CDH17: variants seen among roughly 807,000 people sequenced by gnomAD.
CDH17 encodes cadherin-17.
In CDH17, 67 loss-of-function variants were observed where a neutral mutation model predicts 86.3. That is an observed-to-expected ratio of 0.78 (90% CI 0.64 to 0.95). CDH17 has a LOEUF of 0.95. Among genes scored for constraint, CDH17 ranks in the 40% least tolerant of loss-of-function variants. CDH17 has a pLI of 0.00. For synonymous variants in CDH17, 367 were observed against 366.4 expected, an observed-to-expected ratio of 1.00 and a Z score of -0.02; for missense variants, 993 against 1,017.6, an observed-to-expected ratio of 0.98 and a Z score of 0.33.
chr8:94,146,306 C>T, intron 14 of CDH17, 139 bp from the exon 15 acceptor site: 1 of 673,768 alleles, frequency 1.5e-6, no homozygotes, highest in Non-Finnish European at 2.2e-6. Flanking sequence ...AATCAAAGAC[C>T]TAGTTTCATT....
chr8:94,144,544 A>T (rs1214608283), intron 15 of CDH17, among the ~76,000 whole-genome samples: 1 of 152,196 alleles, frequency 6.6e-6, no homozygotes, highest in Non-Finnish European at 1.5e-5. Context: ...AAAAAGGCAT[A>T]GAGCTAAATG....
chr8:94,145,347 C>G (rs1392561621), intron 15 of CDH17, among the ~76,000 whole-genome samples: 1 of 152,086 alleles, frequency 6.6e-6, no homozygotes, highest in Non-Finnish European at 1.5e-5. Flanking sequence ...TCTCAAAATA[C>G]TGAGATGAAA....
chr8:94,188,092 G>A (rs1554589510), intron 3 of CDH17, among the ~76,000 whole-genome samples: 3 of 152,042 alleles, frequency 2.0e-5, no homozygotes, highest in Non-Finnish European at 4.4e-5. Context: ...CATTGGTGGG[G>A]GCTCATTCCT....
rs376458463 is a variant in CDH17, at chr8:94,142,931, C to A, written c.2167+2997G>T. 1.3e-4 allele frequency among the ~76,000 whole-genome samples: 20 copies of A among 152,106 alleles called. No individual in the cohort carries two copies. In the East Asian group the frequency reaches 2.3e-3, roughly 18 times the overall value. On this transcript the variant is annotated intron_variant, in intron 15 of 17. Coordinates refer to ENST00000027335, the MANE Select transcript of CDH17 (RefSeq NM_004063.4). ...AAGTCTTGAACCCCTCAAAGTCATC[C>A]ATGAGGGTTGGAATCAATTTCTTCC...
chr8:94,155,646 G>C (rs541862961), intron 12 of CDH17, among the ~76,000 whole-genome samples: 1 of 152,314 alleles, frequency 6.6e-6, no homozygotes, highest in East Asian at 1.9e-4. Flanking sequence ...AACGTGCAAG[G>C]CTGACAGTGG....
At chr8:94,153,677 C>CAT (rs934044532) in intron 12 of CDH17, among the ~76,000 whole-genome samples, 8 of 152,150 alleles carry the variant, frequency 5.3e-5, no homozygotes, top group East Asian at 3.9e-4. Context: ...CACGCACACA[C>CAT]ATATATATAT....
At chr8:94,170,795 A>G in intron 8 of CDH17, 59 bp downstream of exon 8, 1 of 1,560,424 alleles carries the variant, frequency 6.4e-7, no homozygotes, top group Non-Finnish European at 8.6e-7. Flanking sequence ...TTTGCTCTCA[A>G]CTGTAGATGG....
chr8:94,168,468 A>G (rs146564341), intron 9 of CDH17, among the ~76,000 whole-genome samples: 1 of 151,684 alleles, frequency 6.6e-6, no homozygotes, highest in African/African-American at 2.4e-5. Context: ...TCAAGGTTTT[A>G]TTTGTGAATA....
chr8:94,192,501 A>G (rs1449407431), intron 2 of CDH17, among the ~76,000 whole-genome samples: 1 of 152,188 alleles, frequency 6.6e-6, no homozygotes, highest in Non-Finnish European at 1.5e-5. Context: ...GAAGTCCCAC[A>G]GTAGAAGCAA....
chr8:94,173,981 T>C lies in CDH17; in HGVS notation c.599A>G (p.Asn200Ser). 6.2e-7 allele frequency: 1 copy of C among 1,613,782 alleles called. No individual in the cohort carries two copies. The highest frequency in any genetic ancestry group is 8.5e-7 in the Non-Finnish European group (1 of 1,179,796). The change falls in exon 7 of 18, where the codon AAT becomes AGT. Residue 200 changes from asparagine (N) to serine (S), a missense_variant. Coordinates refer to ENST00000027335, the MANE Select transcript of CDH17 (RefSeq NM_004063.4). ...SLTREGSQEL[N>S]PAKNPSYNLV... is the part of the protein sequence containing the mutation. ...ATTATAGGAAGGATTCTTAGCAGGA[T>C]TCAATTCCTGAGATCCTGTGAGAAG...
intron 3 of CDH17, among the ~76,000 whole-genome samples, chr8:94,185,816 G>A (rs2130657905): frequency 6.6e-6 from 1 of 152,126 alleles, no homozygotes; most frequent in African/African-American, 2.4e-5. Context: ...TCTAACTCGT[G>A]AAAATCGTCT....
chr8:94,175,186 C>G (rs2446865), intron 5 of CDH17, among the ~76,000 whole-genome samples: 84,843 of 152,112 alleles, frequency 0.56, 24,931 homozygotes, highest in African/African-American at 0.74. Context: ...TATAACCCAC[C>G]TGTCTAAAAG....
chr8:94,189,380 T>G, intron 2 of CDH17, 95 bp from the exon 3 acceptor site: 2 of 822,762 alleles, frequency 2.4e-6, no homozygotes, highest in Non-Finnish European at 3.9e-6. Context: ...ATACAAAACA[T>G]AGGATTCTAT....
rs187917035 is a variant in CDH17 at position 94,159,992 on chromosome 8, G to T, written c.1530C>A (p.Thr510=). 5 of 1,607,898 alleles carry T rather than the reference G, an allele frequency of 3.1e-6. No homozygotes were observed. The East Asian group carries it at 8.9e-5, about 29-fold the overall frequency. Reference sequence around the variant, plus strand: ...TTACCTTTTTAATTATGACATATCCGGTGTTGGTATGGGGATCTGTGTCAA... The same window carrying T: ...TTACCTTTTTAATTATGACATATCCTGTGTTGGTATGGGGATCTGTGTCAA... ...LGVDTDPHTN[T]GYVIIKKPLD... is the part of the protein sequence containing the mutation. Residue 510 remains threonine, a synonymous_variant, in exon 12 of 18, where the codon ACC becomes ACA. Transcript: ENST00000027335.
intron 15 of CDH17, 48 bp from the exon 16 acceptor site, chr8:94,131,040 T>A (rs971020266): frequency 3.1e-6 from 3 of 972,738 alleles, no homozygotes; most frequent in Admixed American, 1.8e-5. Context: ...AGACCCTGGA[T>A]TAGCAGGAAT....
intron 9 of CDH17, among the ~76,000 whole-genome samples, chr8:94,168,988 C>G (rs1262171718): frequency 2.0e-5 from 3 of 152,170 alleles, no homozygotes; most frequent in Non-Finnish European, 2.9e-5. Flanking sequence ...GAACTTCACC[C>G]AGATTCCAGA....
In CDH17 at chr8:94,128,271, T is replaced by C. The variant is rs1812339764; in HGVS notation, c.2468A>G (p.Gln823Arg). ...TCTCAGAGGTTTGACTTCAGATGCT[T>C]GAGCACTTTCAACATTATCTTTGCC... is the stretch of plus-strand genomic sequence containing the variant. ...DKGKDNVESAQASEVKPLRS is the reference protein window; with the variant it reads ...DKGKDNVESARASEVKPLRS Residue 823 changes from glutamine to arginine, a missense_variant, in exon 18 of 18, where the codon CAA becomes CGA. Coordinates refer to ENST00000027335, the MANE Select transcript of CDH17 (RefSeq NM_004063.4). The C allele has an allele frequency of 5.0e-6, 8 of 1,613,512 alleles. No homozygotes were observed. The highest frequency in any genetic ancestry group is 5.9e-6 in the Non-Finnish European group (7 of 1,179,576).
chr8:94,183,269 T>C (rs537538127), intron 3 of CDH17, among the ~76,000 whole-genome samples: 1 of 152,262 alleles, frequency 6.6e-6, no homozygotes, highest in Admixed American at 6.5e-5. Context: ...AAAATTCATA[T>C]GGAACTACAG....
At chr8:94,153,360 A>C (rs1812890884) in intron 12 of CDH17, among the ~76,000 whole-genome samples, 2 of 152,212 alleles carry the variant, frequency 1.3e-5, no homozygotes, top group African/African-American at 2.4e-5. Flanking sequence ...AAAGACAAAA[A>C]ACAAACATTG....
Sources: allele counts gnomAD v4.1 joint callset (sites outside exome capture counted in the v4.1 genomes callset), GRCh38; gene constraint gnomAD v4.1.1; transcripts MANE v1.5; gene names NCBI Gene and HGNC (gene_info 2026-07-23, HGNC 2026-07-21).